Variants in UBA2 observed in about 807,000 individuals in gnomAD.
UBA2 encodes SUMO-activating enzyme subunit 2.
In UBA2, 11 loss-of-function variants were observed where a neutral mutation model predicts 77.2. That is an observed-to-expected ratio of 0.14 (90% CI 0.09 to 0.24). The LOEUF (loss-of-function observed/expected upper bound fraction) is 0.24, where lower values mean the gene tolerates loss of function less well. Among genes scored for constraint, UBA2 ranks in the 10% least tolerant of loss-of-function variants. UBA2 has a pLI of 1.00. For missense variants in UBA2, 487 were observed against 781.7 expected (o/e 0.62, Z 4.50); for synonymous variants, 278 against 276.7 (o/e 1.00, Z -0.05).
intron 3 of UBA2, among the ~76,000 whole-genome samples, chr19:34,432,230 A>T (rs1446753670): frequency 6.6e-6 from 1 of 152,228 alleles, no homozygotes; most frequent in Non-Finnish European, 1.5e-5. Context: ...CTTATTTATG[A>T]TGATTCAGAC....
chr19:34,462,130 C>A (rs1250099870), intron 14 of UBA2, among the ~76,000 whole-genome samples: 5 of 152,118 alleles, frequency 3.3e-5, no homozygotes, highest in Admixed American at 6.5e-5. Flanking sequence ...TCCTCCTCTC[C>A]CTTGACCCCT....
In UBA2 at chr19:34,460,450, CCTT is replaced by C. The variant is rs1359765586; in HGVS notation, c.1402-19_1402-17del. On this transcript the variant is annotated splice_polypyrimidine_tract_variant and intron_variant, in intron 13 of 16. Transcript: ENST00000246548. ...AATTACCTACGTTAATATTTTGAATCCTTTTTTTTTTTTTTGTAGATAGTGAAA... is the reference window on the plus strand; with the variant it reads ...AATTACCTACGTTAATATTTTGAATCTTTTTTTTTTTTGTAGATAGTGAAA... The C allele has an allele frequency of 4.6e-6, 6 of 1,295,560 alleles. No homozygotes were observed. The highest frequency in any genetic ancestry group is 2.4e-5 in the East Asian group (1 of 42,120). The allele number at this position is 1,295,560 out of a possible 1,614,324, so 80.3% of individuals were successfully genotyped here. A position where few individuals can be genotyped will look rare whatever the true frequency, so the allele number is the denominator to read the frequency against.
At chr19:34,436,010 C>G (rs1429910819) in intron 5 of UBA2, among the ~76,000 whole-genome samples, 4 of 151,314 alleles carry the variant, frequency 2.6e-5, no homozygotes, top group South Asian at 2.1e-4. Flanking sequence ...ATCCCAGCTA[C>G]TTGGGAGGCT....
chr19:34,434,414 C>T (rs766202420), intron 4 of UBA2, among the ~76,000 whole-genome samples: 7 of 152,320 alleles, frequency 4.6e-5, no homozygotes, highest in Middle Eastern at 6.8e-3. Flanking sequence ...GTGCTCCTGG[C>T]GTGAAATTAC....
intron 8 of UBA2, 84 bp from the exon 9 acceptor site, chr19:34,450,181 G>A: frequency 3.3e-6 from 3 of 901,602 alleles, no homozygotes; most frequent in Non-Finnish European, 5.3e-6. Context: ...ATTTCATAGT[G>A]TAATATAGAT....
rs1477218787 is a variant in UBA2, at chr19:34,471,118, C to G, written c.*1897C>G. 1 of 152,212 alleles carries G rather than the reference C, an allele frequency of 6.6e-6. No individual in the cohort carries two copies. Among genetic ancestry groups the G allele is most frequent in the Non-Finnish European group, 1.5e-5 (1 of 68,054 alleles). 9.4% of individuals were successfully genotyped at this position (152,212 alleles called of 1,614,324 possible). A position where few individuals can be genotyped will look rare whatever the true frequency, so the allele number is the denominator to read the frequency against. ...GCTTTGCCTGTTAGGGTACTCTTAT[C>G]ACTCAGAGATGGGCCTTGAGTTTTC... On this transcript the variant is annotated 3_prime_UTR_variant, in exon 17 of 17. Transcript: ENST00000246548.
Position 34,470,397 on chromosome 19 carries a change from C to T in UBA2, c.*1176C>T, listed in dbSNP as rs1012000053. ...TGTGGTGGTGGTGCACATCTGTGTT[C>T]CAGCTACTCAGGAGGCTGAGGCAGG... On this transcript the variant is annotated 3_prime_UTR_variant, in exon 17 of 17. Coordinates refer to ENST00000246548, the MANE Select transcript of UBA2 (RefSeq NM_005499.3). The T allele has an allele frequency of 6.6e-6, 1 of 152,216 alleles. No individual in the cohort carries two copies. The allele number at this position is 152,216 out of a possible 1,614,324, so 9.4% of individuals were successfully genotyped here. A position where few individuals can be genotyped will look rare whatever the true frequency, so the allele number is the denominator to read the frequency against.
At chr19:34,431,968 G>T in intron 3 of UBA2, 37 bp downstream of exon 3, 1 of 1,508,010 alleles carries the variant, frequency 6.6e-7, no homozygotes, top group Non-Finnish European at 9.1e-7. Context: ...GTTGTATAAG[G>T]GTTTTGTAAG....
At chr19:34,440,578 A>G (rs1029425248) in intron 6 of UBA2, among the ~76,000 whole-genome samples, 1 of 152,204 alleles carries the variant, frequency 6.6e-6, no homozygotes, top group East Asian at 1.9e-4. Flanking sequence ...CATAAGAAAC[A>G]ATTGCTAGTC....
chr19:34,433,802 C>G (rs376168855), intron 4 of UBA2, among the ~76,000 whole-genome samples: 1 of 152,054 alleles, frequency 6.6e-6, no homozygotes, highest in Non-Finnish European at 1.5e-5. Flanking sequence ...TACCAAAAAA[C>G]ACAAAAATTA....
At chr19:34,431,687 T>A (rs750535068) in intron 2 of UBA2, among the ~76,000 whole-genome samples, 174 bp from the exon 3 acceptor site, 1 of 152,170 alleles carries the variant, frequency 6.6e-6, no homozygotes, top group Non-Finnish European at 1.5e-5. Flanking sequence ...TATAAAAGTA[T>A]AATTTTATAA....
intron 6 of UBA2, among the ~76,000 whole-genome samples, chr19:34,441,316 G>A (rs1002792247): frequency 5.9e-5 from 9 of 151,918 alleles, no homozygotes; most frequent in African/African-American, 2.2e-4. Flanking sequence ...TTAGCCGGAT[G>A]TGGTGGTGGG....
intron 1 of UBA2, chr19:34,429,185 CCG>C (rs2075223013): frequency 7.1e-6 from 7 of 985,266 alleles, no homozygotes; most frequent in Non-Finnish European, 8.4e-6. Flanking sequence ...GGCAGGGCTC[CCG>C]CAGGCTGCGT....
intron 3 of UBA2, 89 bp from the exon 4 acceptor site, chr19:34,433,259 C>G (rs2075275042): frequency 1.1e-6 from 1 of 899,266 alleles, no homozygotes; most frequent in South Asian, 1.4e-5. Context: ...TTTACAGTTA[C>G]TATGTTTTTT....
chr19:34,445,269 C>T, intron 8 of UBA2, 148 bp downstream of exon 8: 1 of 759,954 alleles, frequency 1.3e-6, no homozygotes, highest in Non-Finnish European at 2.0e-6. Context: ...ATGATTGATG[C>T]AGTCAGGATA....
chr19:34,446,453 T>C (rs556483580), intron 8 of UBA2, among the ~76,000 whole-genome samples: 1 of 152,188 alleles, frequency 6.6e-6, no homozygotes, highest in Non-Finnish European at 1.5e-5. Flanking sequence ...GTCTCTGTCC[T>C]GTGTCTCGGA....
intron 5 of UBA2, among the ~76,000 whole-genome samples, chr19:34,435,562 G>A (rs1030775040): frequency 3.9e-5 from 6 of 152,154 alleles, no homozygotes; most frequent in Non-Finnish European, 8.8e-5. Flanking sequence ...GCGTGCAGTG[G>A]CTCATGCCTG....
rs1001284579 is a variant in UBA2 at position 34,469,684 on chromosome 19, G to C, written c.*463G>C. The C allele has an allele frequency of 6.5e-6, 1 of 152,744 alleles. No homozygotes were observed. Among genetic ancestry groups the C allele is most frequent in the African/African-American group, 2.4e-5 (1 of 41,560 alleles). The allele number at this position is 152,744 out of a possible 1,614,324, so 9.5% of individuals were successfully genotyped here. On this transcript the variant is annotated 3_prime_UTR_variant, in exon 17 of 17. Coordinates refer to ENST00000246548, the MANE Select transcript of UBA2 (RefSeq NM_005499.3). ...TATCGAGTGCTATGCATTGAAACTT[G>C]TTTTTAAATGTTAGATGGCACTATG...
At chr19:34,464,777 C>A (rs1051902304) in intron 15 of UBA2, among the ~76,000 whole-genome samples, 1 of 152,112 alleles carries the variant, frequency 6.6e-6, no homozygotes, top group African/African-American at 2.4e-5. Flanking sequence ...CAAATCATTT[C>A]GTTTGTGATT....
Sources: gnomAD v4.1 joint callset for allele counts (sites outside exome capture counted in the v4.1 genomes callset) on GRCh38, gnomAD v4.1.1 for gene constraint, MANE v1.5 for transcripts, NCBI Gene and HGNC (gene_info 2026-07-23, HGNC 2026-07-21) for gene names.